Variants in RAD23B observed in about 807,000 individuals in gnomAD.
RAD23B encodes lysine-specific demethylase RAD23B.
In RAD23B, 5 loss-of-function variants were observed where a neutral mutation model predicts 49.1. That is an observed-to-expected ratio of 0.10 (90% confidence interval 0.05 to 0.21). RAD23B has a LOEUF of 0.21. RAD23B is among the 10% of genes least tolerant of loss of function. The pLI, the probability that RAD23B is intolerant of heterozygous loss-of-function variation, is 1.00. For missense variants in RAD23B, 356 were observed against 486.7 expected, an observed-to-expected ratio of 0.73 and a Z score of 2.53; for synonymous variants, 184 against 165.4, an observed-to-expected ratio of 1.11 and a Z score of -0.86.
chr9:107,303,349 CT>C (rs1304208753), intron 3 of RAD23B, among the ~76,000 whole-genome samples: 2 of 152,142 alleles, frequency 1.3e-5, no homozygotes, highest in Admixed American at 6.6e-5. Flanking sequence ...TTACCACATG[CT>C]TTTGTACTGG....
chr9:107,331,802 G>C lies in RAD23B; in HGVS notation c.*2146G>C. On this transcript the variant is annotated 3_prime_UTR_variant, in exon 10 of 10. Coordinates refer to ENST00000358015, the MANE Select transcript of RAD23B (RefSeq NM_002874.5). ...GGATTAATTATCAGAAGACAGCTCA[G>C]GCCAAGTTTTGATCGTTCCATACAG... 1.3e-6 allele frequency: 1 copy of C among 759,794 alleles called. No homozygotes were observed. Among genetic ancestry groups the C allele is most frequent in the East Asian group, 2.4e-5 (1 of 41,144 alleles). The allele number at this position is 759,794 out of a possible 1,614,324, so 47.1% of individuals were successfully genotyped here. A position where few individuals can be genotyped will look rare whatever the true frequency, so the allele number is the denominator to read the frequency against.
At chr9:107,320,617 A>C (rs749398413) in intron 6 of RAD23B, among the ~76,000 whole-genome samples, 1 of 152,230 alleles carries the variant, frequency 6.6e-6, no homozygotes, top group Non-Finnish European at 1.5e-5. Context: ...GAGATAGGTT[A>C]AGGTGAACGG....
At chr9:107,295,731 T>G (rs1052693863) in intron 1 of RAD23B, among the ~76,000 whole-genome samples, 1 of 152,192 alleles carries the variant, frequency 6.6e-6, no homozygotes, top group Admixed American at 6.5e-5. Context: ...GGTATAAATG[T>G]AGATAGGCAG....
chr9:107,312,526 C>T (rs7850955), intron 5 of RAD23B, among the ~76,000 whole-genome samples: 3,293 of 152,242 alleles, frequency 0.022, 118 homozygotes, highest in African/African-American at 0.074. Context: ...CCGTGATGCC[C>T]TTGTTGCTGT....
intron 2 of RAD23B, among the ~76,000 whole-genome samples, chr9:107,300,928 C>T (rs998623945): frequency 6.6e-6 from 1 of 152,092 alleles, no homozygotes; most frequent in African/African-American, 2.4e-5. Flanking sequence ...GTGATTCAGT[C>T]CCATTATTTT....
At chr9:107,309,930 CAAAAAAA>C (rs34745859) in intron 4 of RAD23B, among the ~76,000 whole-genome samples, 1 of 75,452 alleles carries the variant, frequency 1.3e-5, no homozygotes, top group Non-Finnish European at 2.8e-5. Context: ...GACTCCATCT[CAAAAAAA>C]AAAAAAAAAA....
In RAD23B at chr9:107,283,496, A is replaced by G; in HGVS notation, c.-134A>G. 1 of 577,790 alleles carries G rather than the reference A, an allele frequency of 1.7e-6. No individual in the cohort carries two copies. The allele number at this position is 577,790 out of a possible 1,614,324, so 35.8% of individuals were successfully genotyped here. On this transcript the variant is annotated 5_prime_UTR_variant, in exon 1 of 10. Coordinates refer to ENST00000358015, the MANE Select transcript of RAD23B (RefSeq NM_002874.5). Reference sequence around the variant, plus strand: ...GGCCGCTCCGCTGGGCGAATGTGACAAGCCCCCACCCCCACCGCCTTCCTC... The same window carrying G: ...GGCCGCTCCGCTGGGCGAATGTGACGAGCCCCCACCCCCACCGCCTTCCTC...
chr9:107,306,185 A>C (rs949121805), intron 3 of RAD23B, among the ~76,000 whole-genome samples, 194 bp from the exon 4 acceptor site: 4 of 151,030 alleles, frequency 2.6e-5, no homozygotes, highest in Non-Finnish European at 5.9e-5. Context: ...ATACGCTGTC[A>C]TGAGCTTTGA....
At position 107,331,768 on chromosome 9, in the gene RAD23B, G is replaced by A. The variant is rs1827314517; in HGVS notation, c.*2112G>A. On this transcript the variant is annotated 3_prime_UTR_variant, in exon 10 of 10. Transcript: ENST00000358015. Reference sequence around the variant, plus strand: ...CTTGTGTCCTTGGACAACAAATCTGGATATACTAGGATTAATTATCAGAAG... The same window carrying A: ...CTTGTGTCCTTGGACAACAAATCTGAATATACTAGGATTAATTATCAGAAG... The A allele has an allele frequency of 1.3e-6, 1 of 772,042 alleles. No homozygotes were observed. The highest frequency in any genetic ancestry group is 2.4e-5 in the East Asian group (1 of 41,216). 47.8% of individuals were successfully genotyped at this position (772,042 alleles called of 1,614,324 possible). A position where few individuals can be genotyped will look rare whatever the true frequency, so the allele number is the denominator to read the frequency against.
intron 1 of RAD23B, among the ~76,000 whole-genome samples, chr9:107,295,002 A>G (rs1315824118): frequency 6.7e-6 from 1 of 148,806 alleles, no homozygotes; most frequent in Non-Finnish European, 1.5e-5. Flanking sequence ...ATAGGAGAGG[A>G]TTAAGAAGTG....
At chr9:107,319,284 C>T (rs1827063370) in intron 6 of RAD23B, among the ~76,000 whole-genome samples, 2 of 151,932 alleles carry the variant, frequency 1.3e-5, no homozygotes, top group South Asian at 4.2e-4. Flanking sequence ...GCGCCTGCCA[C>T]CATGCTCGGC....
intron 1 of RAD23B, among the ~76,000 whole-genome samples, chr9:107,299,136 A>G (rs914760318): frequency 2.0e-5 from 3 of 152,188 alleles, no homozygotes; most frequent in African/African-American, 7.2e-5. Flanking sequence ...TTGTATGTTA[A>G]CATCTGAAGC....
intron 5 of RAD23B, among the ~76,000 whole-genome samples, chr9:107,313,184 GTTAA>G (rs1168233307): frequency 6.6e-6 from 1 of 151,834 alleles, no homozygotes; most frequent in African/African-American, 2.4e-5. Context: ...AAGCTTTCTA[GTTAA>G]TTCTTTTCTT....
chr9:107,287,292 A>G (rs1833290826), intron 1 of RAD23B, among the ~76,000 whole-genome samples: 1 of 152,216 alleles, frequency 6.6e-6, no homozygotes, highest in Non-Finnish European at 1.5e-5. Context: ...AAGAAAAAGT[A>G]TGTGATATAC....
intron 9 of RAD23B, among the ~76,000 whole-genome samples, chr9:107,326,536 A>G (rs1175432701): frequency 1.3e-5 from 2 of 149,058 alleles, no homozygotes; most frequent in Non-Finnish European, 3.0e-5. Flanking sequence ...GATAGAATTC[A>G]CCAGTAGTCT....
chr9:107,289,991 T>TTA (rs1007117895), intron 1 of RAD23B, among the ~76,000 whole-genome samples: 5 of 152,188 alleles, frequency 3.3e-5, no homozygotes, highest in African/African-American at 1.2e-4. Flanking sequence ...CTAAGGAACA[T>TTA]TAAGGCACAC....
intron 5 of RAD23B, among the ~76,000 whole-genome samples, chr9:107,316,374 C>G (rs193052410): frequency 1.3e-5 from 2 of 152,282 alleles, no homozygotes; most frequent in Admixed American, 1.3e-4. Context: ...TGAAATTAAA[C>G]CTTTCTTATG....
chr9:107,321,690 A>G (rs1000033488), intron 6 of RAD23B, among the ~76,000 whole-genome samples: 2 of 152,218 alleles, frequency 1.3e-5, no homozygotes, highest in African/African-American at 4.8e-5. Flanking sequence ...TGTGCCTGGT[A>G]GGTGTCTTAT....
chr9:107,302,708 C>G (rs1192287271), intron 3 of RAD23B, among the ~76,000 whole-genome samples: 1 of 147,398 alleles, frequency 6.8e-6, no homozygotes, highest in South Asian at 2.1e-4. Context: ...CAGGCTGGAG[C>G]GCAGTGACGC....
Sources: gnomAD v4.1 joint callset for allele counts (sites outside exome capture counted in the v4.1 genomes callset) on GRCh38, gnomAD v4.1.1 for gene constraint, MANE v1.5 for transcripts, NCBI Gene and HGNC (gene_info 2026-07-23, HGNC 2026-07-21) for gene names.